Variants in PCDHGA12 observed in about 807,000 individuals in gnomAD.
PCDHGA12 encodes protocadherin gamma subfamily A, 12.
Under a neutral mutation model 61.1 loss-of-function variants are expected in PCDHGA12, and 43 were observed. The ratio of observed to expected loss-of-function variants is 0.70; its 90% CI spans 0.55 to 0.91. The LOEUF is 0.91. Among genes scored for constraint, PCDHGA12 ranks in the 40% least tolerant of loss-of-function variants. PCDHGA12 has a pLI of 0.00. For missense variants in PCDHGA12, 1,236 were observed against 1,227.7 expected, an observed-to-expected ratio of 1.01 and a Z score of -0.10; for synonymous variants, 520 against 542.9, an observed-to-expected ratio of 0.96 and a Z score of 0.59.
chr5:141,492,908 A>G (rs1595151443), intron 1 of PCDHGA12, among the ~76,000 whole-genome samples: 2 of 152,302 alleles, frequency 1.3e-5, no homozygotes, highest in African/African-American at 4.8e-5. Context: ...TCGTGATCAC[A>G]ATGTGCCCAG....
intron 2 of PCDHGA12, among the ~76,000 whole-genome samples, chr5:141,498,618 G>A (rs191513899): frequency 1.3e-5 from 2 of 152,220 alleles, no homozygotes; most frequent in East Asian, 3.9e-4. Context: ...TCAGCACTGG[G>A]TCACACTGCC....
chr5:141,502,866 CTTTT>C (rs549047197), intron 2 of PCDHGA12, among the ~76,000 whole-genome samples: 1 of 128,042 alleles, frequency 7.8e-6, no homozygotes. Context: ...GACTCTCTGT[CTTTT>C]TTTTTTTTTT....
At chr5:141,443,383 G>A (rs1302172660) in intron 1 of PCDHGA12, among the ~76,000 whole-genome samples, 1 of 152,130 alleles carries the variant, frequency 6.6e-6, no homozygotes, top group Non-Finnish European at 1.5e-5. Flanking sequence ...TACTTGGGAG[G>A]CTGAGGTGTG....
At chr5:141,484,359 T>A (rs1218120598) in intron 1 of PCDHGA12, among the ~76,000 whole-genome samples, 1 of 152,222 alleles carries the variant, frequency 6.6e-6, no homozygotes, top group Non-Finnish European at 1.5e-5. Context: ...GTGTATCTAG[T>A]GTATCACTAG....
At chr5:141,506,787 G>A (rs55775963) in intron 3 of PCDHGA12, among the ~76,000 whole-genome samples, 1,925 of 152,270 alleles carry the variant, frequency 0.013, 43 homozygotes, top group African/African-American at 0.044. Flanking sequence ...CTTATAAGGA[G>A]GCTGGCAGAG....
intron 1 of PCDHGA12, among the ~76,000 whole-genome samples, chr5:141,451,830 G>A (rs940668278): frequency 6.6e-5 from 10 of 151,238 alleles, no homozygotes; most frequent in East Asian, 1.9e-4. Flanking sequence ...ACAGTGAGCC[G>A]AGATCACACC....
intron 1 of PCDHGA12, chr5:141,441,925 T>C (rs926242217): frequency 2.8e-6 from 1 of 353,614 alleles, no homozygotes; most frequent in Non-Finnish European, 5.4e-6. Flanking sequence ...ACACAATGCG[T>C]GGCTGTCCTA....
chr5:141,448,955 A>G (rs929888928), intron 1 of PCDHGA12, among the ~76,000 whole-genome samples: 1 of 152,174 alleles, frequency 6.6e-6, no homozygotes. Flanking sequence ...AAAAAAACAA[A>G]CAAACAAACA....
At position 141,487,939 on chromosome 5, in the gene PCDHGA12, C is replaced by A; in HGVS notation, c.2425-6868C>A. ...AGGCTACAGTGCACAGGGTACAGTG[C>A]ACCAGGCAGTCACTTGGACAAAGGT... On this transcript the variant is annotated intron_variant, in intron 1 of 3. Coordinates refer to ENST00000252085, the MANE Select transcript of PCDHGA12 (RefSeq NM_003735.3). The surrounding 1 kb of genome is among the most constrained non-coding windows in gnomAD (Gnocchi z 5.0). The A allele has an allele frequency of 1.7e-6, 1 of 600,512 alleles. No individual in the cohort carries two copies. Among genetic ancestry groups the A allele is most frequent in the Non-Finnish European group, 2.9e-6 (1 of 343,042 alleles). The allele number at this position is 600,512 out of a possible 1,614,324, so 37.2% of individuals were successfully genotyped here.
chr5:141,439,960 T>G (rs1297261423), intron 1 of PCDHGA12: 1 of 152,668 alleles, frequency 6.6e-6, no homozygotes, highest in African/African-American at 2.4e-5. Flanking sequence ...AGATCCGTTA[T>G]TCAGTCCTAG....
chr5:141,432,178 T>C lies in PCDHGA12; in HGVS notation c.1419T>C (p.Ser473=). ...ENNPRGVSLV[S]VTAHDPDCEE... Reference sequence around the variant, plus strand: ...ATCCCAGAGGAGTTTCCCTCGTCTCTGTGACCGCCCACGACCCCGACTGTG... The same window carrying C: ...ATCCCAGAGGAGTTTCCCTCGTCTCCGTGACCGCCCACGACCCCGACTGTG... The change falls in exon 1 of 4, where the codon TCT becomes TCC. Residue 473 remains serine, a synonymous_variant. Transcript: ENST00000252085. The surrounding 1 kb of genome is among the most constrained non-coding windows in gnomAD (Gnocchi z 6.0). 6.2e-7 allele frequency: 1 copy of C among 1,614,184 alleles called. No individual in the cohort carries two copies. The highest frequency in any genetic ancestry group is 8.5e-7 in the Non-Finnish European group (1 of 1,180,036).
rs2097568903 is a variant in PCDHGA12 at position 141,433,108 on chromosome 5, G to A, written c.2349G>A (p.Glu783=). The part of the protein sequence containing the change: ...PNYADMLVSQ[E]SFEKSEPLLL... ...ATGCAGACATGCTCGTCAGCCAGGA[G>A]AGCTTTGAAAAAAGCGAGCCCCTTT... is the stretch of plus-strand genomic sequence containing the variant. Residue 783 remains glutamate, a synonymous_variant, in exon 1 of 4, where the codon GAG becomes GAA. Transcript: ENST00000252085. 2 of 1,614,146 alleles carry A rather than the reference G, an allele frequency of 1.2e-6. No homozygotes were observed. The highest frequency in any genetic ancestry group is 2.2e-5 in the East Asian group (1 of 44,876).
In PCDHGA12 at chr5:141,505,438, T is replaced by C. The variant is rs149352680; in HGVS notation, c.2529T>C (p.Phe843=). The C allele has an allele frequency of 6.8e-6, 11 of 1,614,046 alleles. No homozygotes were observed. The African/African-American group carries it at 1.5e-4, about 22-fold the overall frequency. The stretch of plus-strand genomic sequence containing the variant: ...CCGGCACCTGGCCCAACAACCAGTT[T>C]GACACAGAGATGCTGCAAGCCATGA... ...DDTGTWPNNQ[F]DTEMLQAMIL... Residue 843 remains phenylalanine, a synonymous_variant, in exon 3 of 4, where the codon TTT becomes TTC. Transcript: ENST00000252085.
chr5:141,478,878 T>C (rs946127535), intron 1 of PCDHGA12: 8 of 1,250,076 alleles, frequency 6.4e-6, no homozygotes, highest in Non-Finnish European at 8.6e-6. Context: ...GAGTTTAGCT[T>C]GGTATCATTT....
intron 1 of PCDHGA12, chr5:141,478,044 C>A (rs1302168166): frequency 1.9e-6 from 3 of 1,614,184 alleles, no homozygotes; most frequent in South Asian, 1.1e-5. Flanking sequence ...CCCAGGCAGA[C>A]TCTCACGGTC....
chr5:141,451,112 G>A (rs776356458), intron 1 of PCDHGA12, among the ~76,000 whole-genome samples: 9 of 152,236 alleles, frequency 5.9e-5, no homozygotes, highest in Admixed American at 1.3e-4. Flanking sequence ...ACAGGCGTGA[G>A]CCACCACACC....
intron 1 of PCDHGA12, chr5:141,478,229 T>C: frequency 6.2e-7 from 1 of 1,614,074 alleles, no homozygotes; most frequent in Non-Finnish European, 8.5e-7. Flanking sequence ...TTCTGTGGGG[T>C]TTGTGGTCAC....
rs1429860093 is a variant in PCDHGA12, at chr5:141,487,828, C to A, written c.2425-6979C>A. 3 of 1,184,120 alleles carry A rather than the reference C, an allele frequency of 2.5e-6. No individual in the cohort carries two copies. The highest frequency in any genetic ancestry group is 1.5e-5 in the African/African-American group (1 of 64,540). The allele number at this position is 1,184,120 out of a possible 1,614,324, so 73.4% of individuals were successfully genotyped here. A position where few individuals can be genotyped will look rare whatever the true frequency, so the allele number is the denominator to read the frequency against. ...AGTTTAGCATTGGGGGCGGGTCATG[C>A]CTATATCTGAGTAAGAAATGAAAGT... On this transcript the variant is annotated intron_variant, in intron 1 of 3. Coordinates refer to ENST00000252085, the MANE Select transcript of PCDHGA12 (RefSeq NM_003735.3). The surrounding 1 kb of genome is among the most constrained non-coding windows in gnomAD (Gnocchi z 5.0).
rs774079222 is a variant in PCDHGA12 at position 141,491,314 on chromosome 5, C to T, written c.2425-3493C>T. On this transcript the variant is annotated intron_variant, in intron 1 of 3. Coordinates refer to ENST00000252085, the MANE Select transcript of PCDHGA12 (RefSeq NM_003735.3). This position sits in a 1 kb window ranked among gnomAD's most constrained non-coding sequence, Gnocchi z 6.9. ...CCCTCCTGAGCGTTCAGACCTTACC[C>T]TTTACCTCATTGTGGCTCTAGCGAC... The T allele has an allele frequency of 1.9e-6, 3 of 1,614,182 alleles. No individual in the cohort carries two copies. In the South Asian group the frequency reaches 3.3e-5, roughly 18 times the overall value.
Sources: allele counts gnomAD v4.1 joint callset (sites outside exome capture counted in the v4.1 genomes callset), GRCh38; gene constraint gnomAD v4.1.1; non-coding constraint Gnocchi (gnomAD v3.1); transcripts MANE v1.5; gene names NCBI Gene and HGNC (gene_info 2026-07-23, HGNC 2026-07-21).